Variants in TMEM178B observed in about 807,000 individuals in gnomAD.
TMEM178B encodes the protein transmembrane protein 178B.
In TMEM178B, 5 loss-of-function variants were observed where a neutral mutation model predicts 31.0. The ratio of observed to expected loss-of-function variants is 0.16; its 90% CI spans 0.08 to 0.34. The LOEUF is 0.34. Ranked by LOEUF, TMEM178B falls within the 10% of genes least tolerant of loss-of-function variation. The pLI is 1.00. For synonymous variants in TMEM178B, 164 were observed against 164.0 expected, an observed-to-expected ratio of 1.00 and a Z score of 0.00; for missense variants, 275 against 400.3, an observed-to-expected ratio of 0.69 and a Z score of 2.67.
intron 3 of TMEM178B, among the ~76,000 whole-genome samples, chr7:141,463,661 A>G (rs1219319418): frequency 6.6e-6 from 1 of 152,230 alleles, no homozygotes; most frequent in African/African-American, 2.4e-5. Context: ...AGAGAATGAC[A>G]TTTGAACTGA....
At chr7:141,225,835 G>T (rs1797333564) in intron 2 of TMEM178B, among the ~76,000 whole-genome samples, 1 of 152,108 alleles carries the variant, frequency 6.6e-6, no homozygotes, top group Non-Finnish European at 1.5e-5. Flanking sequence ...GTGTAGGCTT[G>T]TATGAAGTCC....
chr7:141,337,864 G>A (rs1215641120), intron 2 of TMEM178B, among the ~76,000 whole-genome samples: 1 of 151,698 alleles, frequency 6.6e-6, no homozygotes, highest in East Asian at 1.9e-4. Context: ...TTGAGACGGA[G>A]TCTCGCTCTG....
At chr7:141,094,150 A>G (rs1459621724) in intron 1 of TMEM178B, among the ~76,000 whole-genome samples, 1 of 152,154 alleles carries the variant, frequency 6.6e-6, no homozygotes, top group African/African-American at 2.4e-5. Flanking sequence ...CAACTGCTGG[A>G]TAGGGTTGAA....
At chr7:141,434,832 C>T (rs929954961) in intron 2 of TMEM178B, among the ~76,000 whole-genome samples, 1 of 152,204 alleles carries the variant, frequency 6.6e-6, no homozygotes, top group Non-Finnish European at 1.5e-5. Flanking sequence ...ATTTTTAGGT[C>T]TCACATATGA....
intron 2 of TMEM178B, among the ~76,000 whole-genome samples, chr7:141,292,793 A>G (rs1338523794): frequency 6.6e-6 from 1 of 152,014 alleles, no homozygotes; most frequent in Non-Finnish European, 1.5e-5. Context: ...GTGCACCACC[A>G]TGCCCGGCTA....
rs529327446 is a variant in TMEM178B, at chr7:141,426,221, A to G, written c.497-11387A>G. Among the ~76,000 whole-genome samples the G allele has an allele frequency of 1.4e-4, 21 of 152,320 alleles. No individual in the cohort carries two copies. In the South Asian group the frequency reaches 4.1e-3, roughly 30 times the overall value. On this transcript the variant is annotated intron_variant, in intron 2 of 3. Coordinates refer to ENST00000565468, the MANE Select transcript of TMEM178B (RefSeq NM_001195278.2). ...TGCCACGGTGCATACAGTTTTAGCA[A>G]TTGTTGCAGAGTGGAATGGTGATCT...
chr7:141,407,216 T>G (rs1800899619), intron 2 of TMEM178B, among the ~76,000 whole-genome samples: 1 of 152,246 alleles, frequency 6.6e-6, no homozygotes, highest in South Asian at 2.1e-4. Context: ...CTCTGAGCTG[T>G]TGACGCTCTG....
intron 2 of TMEM178B, among the ~76,000 whole-genome samples, chr7:141,427,309 A>C (rs1801335631): frequency 6.6e-6 from 1 of 152,218 alleles, no homozygotes; most frequent in Admixed American, 6.5e-5. Flanking sequence ...CTGAATTCAA[A>C]ATATACTGCA....
intron 2 of TMEM178B, among the ~76,000 whole-genome samples, chr7:141,384,093 A>T (rs1420692055): frequency 2.6e-5 from 4 of 151,940 alleles, no homozygotes; most frequent in Non-Finnish European, 4.4e-5. Context: ...TATTTGTTTG[A>T]GTTCTTTGTA....
At chr7:141,135,395 A>G (rs1392970645) in intron 1 of TMEM178B, among the ~76,000 whole-genome samples, 1 of 152,252 alleles carries the variant, frequency 6.6e-6, no homozygotes, top group Non-Finnish European at 1.5e-5. Flanking sequence ...ACAGACATTT[A>G]CAGAACATTT....
At chr7:141,152,294 G>A (rs1210265194) in intron 1 of TMEM178B, among the ~76,000 whole-genome samples, 1 of 152,148 alleles carries the variant, frequency 6.6e-6, no homozygotes, top group Admixed American at 6.5e-5. Context: ...GCCCAGCGTG[G>A]GTTGCTCTCT....
chr7:141,142,902 A>G (rs1482680856), intron 1 of TMEM178B, among the ~76,000 whole-genome samples: 1 of 152,110 alleles, frequency 6.6e-6, no homozygotes, highest in Admixed American at 6.5e-5. Context: ...TTGACTTTTT[A>G]ATAGTAGCCA....
intron 2 of TMEM178B, among the ~76,000 whole-genome samples, chr7:141,370,409 A>G (rs1006771122): frequency 1.3e-5 from 2 of 152,204 alleles, no homozygotes; most frequent in African/African-American, 4.8e-5. Flanking sequence ...GAGCTTTGCA[A>G]TGTGCAAAGT....
rs117886268 is a variant in TMEM178B, at chr7:141,329,276, G to T, written c.497-108332G>T. Among the ~76,000 whole-genome samples, 119 of 152,248 alleles carry T rather than the reference G, an allele frequency of 7.8e-4. No homozygotes were observed. In the East Asian group the frequency reaches 0.02, roughly 26 times the overall value. ...CAAACTCTTCCCACCCCCTACCTGG[G>T]GTGTGGATTTGTAAAAGTGTCTGTC... is the stretch of plus-strand genomic sequence containing the variant. On this transcript the variant is annotated intron_variant, in intron 2 of 3. Coordinates refer to ENST00000565468, the MANE Select transcript of TMEM178B (RefSeq NM_001195278.2).
intron 2 of TMEM178B, among the ~76,000 whole-genome samples, chr7:141,400,687 GGCT>G (rs1800745114): frequency 6.6e-6 from 1 of 152,212 alleles, no homozygotes; most frequent in Non-Finnish European, 1.5e-5. Flanking sequence ...TCACAAAGAA[GGCT>G]GCAGCCTGCT....
chr7:141,129,192 C>A (rs772138547), intron 1 of TMEM178B, among the ~76,000 whole-genome samples: 11 of 152,150 alleles, frequency 7.2e-5, no homozygotes, highest in Non-Finnish European at 1.5e-4. Flanking sequence ...ATGGTCCTGG[C>A]AGCTGAGAGA....
chr7:141,446,801 G>T (rs768580420), intron 3 of TMEM178B, among the ~76,000 whole-genome samples: 3 of 152,100 alleles, frequency 2.0e-5, no homozygotes, highest in Admixed American at 6.5e-5. Flanking sequence ...GTTAATACAT[G>T]TGAAGGGCTC....
chr7:141,230,803 AT>A lies in TMEM178B; in HGVS notation c.496+18104del, dbSNP rs528291500. Among the ~76,000 whole-genome samples the A allele has an allele frequency of 2.0e-3, 304 of 152,102 alleles. 2 individuals carry two copies. The highest frequency in any genetic ancestry group is 7.1e-3 in the African/African-American group (294 of 41,486). The stretch of plus-strand genomic sequence containing the variant: ...AGATGTGCTCTACTGCACCTGGCTA[AT>A]TTTTATTTTTTATTTTTTGTAGATT... On this transcript the variant is annotated intron_variant, in intron 2 of 3. Transcript: ENST00000565468.
chr7:141,413,636 G>A (rs1460723387), intron 2 of TMEM178B, among the ~76,000 whole-genome samples: 1 of 152,208 alleles, frequency 6.6e-6, no homozygotes, highest in Non-Finnish European at 1.5e-5. Context: ...CACAGAGGCT[G>A]CTGATGATGA....
Sources: allele counts gnomAD v4.1 joint callset (sites outside exome capture counted in the v4.1 genomes callset), GRCh38; gene constraint gnomAD v4.1.1; transcripts MANE v1.5; gene names NCBI Gene and HGNC (gene_info 2026-07-23, HGNC 2026-07-21).